DMD: variants seen among roughly 807,000 people sequenced by gnomAD.
DMD encodes dystrophin, also known as mutant dystrophin.
DMD carries 63 observed loss-of-function variants against 330.1 expected under a neutral mutation model. The observed-to-expected ratio is 0.19, with a 90% CI of 0.16 to 0.24. The LOEUF is 0.24. Ranked by LOEUF, DMD falls within the 10% of genes least tolerant of loss-of-function variation. The probability of loss-of-function intolerance (pLI) is 1.00; values close to 1 mark genes in which losing one functional copy is unlikely to be tolerated. For synonymous variants in DMD, 1,223 were observed against 959.8 expected, an observed-to-expected ratio of 1.27 and a Z score of -5.07; for missense variants, 3,344 against 2,684.1, an observed-to-expected ratio of 1.25 and a Z score of -5.43.
intron 44 of DMD, among the ~76,000 whole-genome samples, chrX:32,014,018 G>T (rs1434074970): frequency 1.8e-5 from 2 of 112,200 alleles, no homozygotes; most frequent in African/African-American, 6.5e-5. Flanking sequence ...AAATCATAGT[G>T]CATATCAGTT....
At chrX:33,206,939 G>T (rs2051609968) in intron 1 of DMD, among the ~76,000 whole-genome samples, 1 of 110,085 alleles carries the variant, frequency 9.1e-6, no homozygotes, top group Admixed American at 9.8e-5. Context: ...GTGCCATAGG[G>T]GTTTGCTGTA....
intron 47 of DMD, among the ~76,000 whole-genome samples, chrX:31,915,699 A>G (rs2094600882): frequency 8.9e-6 from 1 of 111,826 alleles, no homozygotes; most frequent in South Asian, 3.7e-4. Flanking sequence ...ATCTTTGAGG[A>G]TCTTTGTGAC....
chrX:32,191,278 T>G (rs1289744509), intron 44 of DMD, among the ~76,000 whole-genome samples: 1 of 111,949 alleles, frequency 8.9e-6, no homozygotes, highest in Non-Finnish European at 1.9e-5. Context: ...TTCAAACATT[T>G]GAAGACAACT....
chrX:31,797,654 G>A (rs1035249705), intron 50 of DMD, among the ~76,000 whole-genome samples: 4 of 112,030 alleles, frequency 3.6e-5, no homozygotes, highest in African/African-American at 1.3e-4. Context: ...GAAAGACAGA[G>A]TAGAAAGTTT....
At chrX:32,635,308 A>G (rs1008523651) in intron 11 of DMD, among the ~76,000 whole-genome samples, 2 of 111,204 alleles carry the variant, frequency 1.8e-5, no homozygotes, top group Non-Finnish European at 3.8e-5. Context: ...ACCAGGTACT[A>G]CGATCATGCA....
chrX:31,766,157 G>A (rs2089981183), intron 51 of DMD, among the ~76,000 whole-genome samples: 1 of 111,413 alleles, frequency 9.0e-6, no homozygotes, highest in South Asian at 3.7e-4. Context: ...GAAAGTTAGA[G>A]AAGACCCAGA....
rs1282023071 is a variant in DMD, at chrX:32,400,480, G to C, written c.4234-10299C>G. ...GAATGATGCTGGCCTCATAAAATGA[G>C]TTAGGGAGGATTCCCTCTTTTTCTA... On this transcript the variant is annotated intron_variant, in intron 30 of 78. Coordinates refer to ENST00000357033, the MANE Select transcript of DMD (RefSeq NM_004006.3). 6.3e-5 allele frequency among the ~76,000 whole-genome samples: 7 copies of C among 110,810 alleles called. No homozygotes were observed. The Admixed American group carries it at 6.7e-4, about 11-fold the overall frequency.
intron 7 of DMD, chrX:32,754,882 T>A (rs934006904): frequency 1.4e-4 from 16 of 111,660 alleles, no homozygotes; most frequent in African/African-American, 5.2e-4. Context: ...TCTTTCCCCA[T>A]AGTGTTTGCC....
rs1348981541 is a variant in DMD, at chrX:31,427,073, G to A, written c.9084+17408C>T. On this transcript the variant is annotated intron_variant, in intron 60 of 78. Coordinates refer to ENST00000357033, the MANE Select transcript of DMD (RefSeq NM_004006.3). ...ATGACAAATGTAAAGAGTCAAAAGAGGAATTAAGGTAAATAATTTAATTAT... is the reference window on the plus strand; with the variant it reads ...ATGACAAATGTAAAGAGTCAAAAGAAGAATTAAGGTAAATAATTTAATTAT... 2.7e-5 allele frequency among the ~76,000 whole-genome samples: 3 copies of A among 111,655 alleles called. No homozygotes were observed. In the East Asian group the frequency reaches 8.4e-4, roughly 31 times the overall value.
chrX:32,382,678 G>T (rs934421745), intron 33 of DMD, among the ~76,000 whole-genome samples: 2 of 108,728 alleles, frequency 1.8e-5, no homozygotes, highest in Non-Finnish European at 3.8e-5. Flanking sequence ...TGTGTTGTAG[G>T]GGTGTGTGGG....
intron 2 of DMD, among the ~76,000 whole-genome samples, chrX:32,891,666 G>C (rs1042163128): frequency 1.8e-5 from 2 of 111,671 alleles, no homozygotes; most frequent in Non-Finnish European, 3.8e-5. Context: ...AGTAAAATTT[G>C]GATGAAATAT....
intron 16 of DMD, among the ~76,000 whole-genome samples, chrX:32,554,210 C>G (rs1411691525): frequency 9.0e-6 from 1 of 111,604 alleles, no homozygotes; most frequent in Non-Finnish European, 1.9e-5. Context: ...CCTAACATCT[C>G]AAATAAAAAA....
chrX:32,502,385 T>C (rs2044148189), intron 18 of DMD, among the ~76,000 whole-genome samples: 1 of 111,801 alleles, frequency 8.9e-6, no homozygotes, highest in African/African-American at 3.2e-5. Flanking sequence ...AAAGTACTCC[T>C]ATTTCCAAGG....
chrX:33,118,389 C>G (rs2095403364), intron 1 of DMD, among the ~76,000 whole-genome samples: 1 of 111,368 alleles, frequency 9.0e-6, no homozygotes. Context: ...GGATTACAGG[C>G]GTGAGCCACC....
intron 43 of DMD, among the ~76,000 whole-genome samples, chrX:32,272,516 C>T (rs759742703): frequency 2.7e-5 from 3 of 112,029 alleles, no homozygotes; most frequent in African/African-American, 9.7e-5. Context: ...GTCTATAGAT[C>T]TGGAAGGAAG....
At chrX:32,974,270 G>A (rs777540565) in intron 2 of DMD, among the ~76,000 whole-genome samples, 17 of 111,247 alleles carry the variant, frequency 1.5e-4, no homozygotes, top group Non-Finnish European at 2.5e-4. Context: ...ACAGAGTAGC[G>A]GTTGCCAGAG....
intron 12 of DMD, among the ~76,000 whole-genome samples, chrX:32,603,270 T>C (rs1167483530): frequency 9.0e-6 from 1 of 111,488 alleles, no homozygotes; most frequent in Non-Finnish European, 1.9e-5. Flanking sequence ...GAATGATCTT[T>C]GGACAATGAA....
rs368609658 is a variant in DMD at position 32,054,458 on chromosome X, C to T, written c.6439-85944G>A. ...AACATGCGGTGTTTGGTTTTTTGTC[C>T]TTGCAATAGTTTGCTGAGAACGATG... On this transcript the variant is annotated intron_variant, in intron 44 of 78. Coordinates refer to ENST00000357033, the MANE Select transcript of DMD (RefSeq NM_004006.3). Among the ~76,000 whole-genome samples the T allele has an allele frequency of 3.0e-3, 318 of 106,197 alleles. 2 individuals carry two copies. Among genetic ancestry groups the T allele is most frequent in the African/African-American group, 0.01 (304 of 29,092 alleles). 92.2% of individuals were successfully genotyped at this position (106,197 alleles called of 115,157 possible). A position where few individuals can be genotyped will look rare whatever the true frequency, so the allele number is the denominator to read the frequency against.
intron 61 of DMD, among the ~76,000 whole-genome samples, chrX:31,329,246 G>A (rs1163108367): frequency 8.9e-6 from 1 of 112,027 alleles, no homozygotes; most frequent in Non-Finnish European, 1.9e-5. Context: ...AAGACCATAA[G>A]TACTAGAATC....
Sources: gnomAD v4.1 joint callset for allele counts (sites outside exome capture counted in the v4.1 genomes callset) on GRCh38, gnomAD v4.1.1 for gene constraint, MANE v1.5 for transcripts, NCBI Gene and HGNC (gene_info 2026-07-23, HGNC 2026-07-21) for gene names.